The following DLGAP3 variants were observed in gnomAD, a reference collection of about 807,000 sequenced individuals.
The protein encoded by DLGAP3 is disks large-associated protein 3.
DLGAP3 carries 17 observed loss-of-function variants against 81.2 expected under a neutral mutation model. The observed-to-expected ratio is 0.21, with a 90% CI of 0.14 to 0.31. The LOEUF (loss-of-function observed/expected upper bound fraction) is 0.31. Ranked by LOEUF, DLGAP3 falls within the 10% of genes least tolerant of loss-of-function variation. DLGAP3 has a pLI of 1.00. For missense variants in DLGAP3, 1,124 were observed against 1,388.0 expected (o/e 0.81, Z 3.02); for synonymous variants, 577 against 587.4 (o/e 0.98, Z 0.26).
intron 5 of DLGAP3, among the ~76,000 whole-genome samples, chr1:34,897,794 A>G (rs892434764): frequency 3.3e-5 from 5 of 152,138 alleles, no homozygotes; most frequent in Non-Finnish European, 7.3e-5. Flanking sequence ...GTGGCAGTGG[A>G]GATGGTGAGG....
At chr1:34,925,058 C>T (rs1200490659) in intron 1 of DLGAP3, among the ~76,000 whole-genome samples, 2 of 152,142 alleles carry the variant, frequency 1.3e-5, no homozygotes, top group Admixed American at 6.5e-5. Flanking sequence ...TTGCCGGCCC[C>T]GGTAGCCAGA....
intron 8 of DLGAP3, among the ~76,000 whole-genome samples, chr1:34,880,102 G>A (rs1415564073): frequency 6.6e-6 from 1 of 152,054 alleles, no homozygotes; most frequent in Non-Finnish European, 1.5e-5. Flanking sequence ...GAGACAGGCT[G>A]AAGTACAGTG....
chr1:34,914,464 G>A (rs375274679), intron 1 of DLGAP3, among the ~76,000 whole-genome samples: 10 of 152,250 alleles, frequency 6.6e-5, no homozygotes, highest in African/African-American at 2.2e-4. Flanking sequence ...TCTAGGACCC[G>A]AACTCCTCTA....
intron 8 of DLGAP3, 145 bp downstream of exon 8, chr1:34,884,833 C>A: frequency 1.4e-6 from 1 of 699,504 alleles, no homozygotes; most frequent in Non-Finnish European, 2.6e-6. Flanking sequence ...GCCCCTGTGG[C>A]TGCTCTGACC....
At chr1:34,874,949 G>C (rs887131121) in intron 8 of DLGAP3, among the ~76,000 whole-genome samples, 6 of 152,050 alleles carry the variant, frequency 3.9e-5, no homozygotes, top group South Asian at 2.1e-4. Context: ...AATCAAGCAG[G>C]GGTCACTGAA....
Position 34,865,734 on chromosome 1 carries a change from A to G in DLGAP3, c.*349T>C, listed in dbSNP as rs1450046822. On this transcript the variant is annotated 3_prime_UTR_variant, in exon 12 of 12. Coordinates refer to ENST00000373347, the MANE Select transcript of DLGAP3 (RefSeq NM_001080418.3). ...GCCCCGCGGGGTGGGGGAGGGGGGGACGCAGAGCCCAGATGAGGGACCCGG... is the reference window on the plus strand; with the variant it reads ...GCCCCGCGGGGTGGGGGAGGGGGGGGCGCAGAGCCCAGATGAGGGACCCGG... 2.7e-5 allele frequency: 9 copies of G among 332,826 alleles called. No homozygotes were observed. The highest frequency in any genetic ancestry group is 9.4e-5 in the African/African-American group (4 of 42,484). 20.6% of individuals were successfully genotyped at this position (332,826 alleles called of 1,614,324 possible). A position where few individuals can be genotyped will look rare whatever the true frequency, so the allele number is the denominator to read the frequency against.
At chr1:34,887,216 A>G (rs1274499895) in intron 5 of DLGAP3, among the ~76,000 whole-genome samples, 1 of 151,634 alleles carries the variant, frequency 6.6e-6, no homozygotes, top group East Asian at 1.9e-4. Flanking sequence ...CGGCCTCTCA[A>G]AGTGCTGGGA....
rs1428618813 is a variant in DLGAP3, at chr1:34,873,641, C to T, written c.2001-4552G>A. On this transcript the variant is annotated intron_variant, in intron 8 of 11. Transcript: ENST00000373347. This position sits in a 1 kb window ranked among gnomAD's most constrained non-coding sequence, Gnocchi z 4.2. Reference sequence around the variant, plus strand: ...CAAACACAATCATCGGAATGTAGCACTGAGAACCCGGCTAGGGCATTGTAG... The same window carrying T: ...CAAACACAATCATCGGAATGTAGCATTGAGAACCCGGCTAGGGCATTGTAG... Among the ~76,000 whole-genome samples, 1 of 152,212 alleles carries T rather than the reference C, an allele frequency of 6.6e-6. No individual in the cohort carries two copies. The highest frequency in any genetic ancestry group is 1.5e-5 in the Non-Finnish European group (1 of 68,044).
At chr1:34,909,657 A>G (rs554179754) in intron 1 of DLGAP3, among the ~76,000 whole-genome samples, 4 of 152,300 alleles carry the variant, frequency 2.6e-5, no homozygotes, top group South Asian at 2.1e-4. Context: ...TCTAAAGAAA[A>G]TATTTAATTA....
At chr1:34,887,836 T>C (rs1051683922) in intron 5 of DLGAP3, among the ~76,000 whole-genome samples, 3 of 152,180 alleles carry the variant, frequency 2.0e-5, no homozygotes, top group Non-Finnish European at 2.9e-5. Context: ...AATGGTACCA[T>C]CTTCATAGGG....
At chr1:34,876,239 C>T (rs141102265) in intron 8 of DLGAP3, among the ~76,000 whole-genome samples, 25 of 152,356 alleles carry the variant, frequency 1.6e-4, no homozygotes, top group Non-Finnish European at 3.1e-4. Flanking sequence ...ATCACTGACA[C>T]TGGGCAACTG....
intron 5 of DLGAP3, among the ~76,000 whole-genome samples, chr1:34,886,668 G>A (rs1407256786): frequency 1.3e-5 from 2 of 152,058 alleles, no homozygotes; most frequent in African/African-American, 4.8e-5. Flanking sequence ...CAGGGACCTG[G>A]CATGCACCCT....
intron 1 of DLGAP3, among the ~76,000 whole-genome samples, chr1:34,913,132 A>G (rs1337911178): frequency 6.6e-6 from 1 of 152,206 alleles, no homozygotes; most frequent in Non-Finnish European, 1.5e-5. Flanking sequence ...GAAAATGGAG[A>G]AGGAAGAAGG....
Position 34,869,739 on chromosome 1 carries a change from G to A in DLGAP3, c.2001-650C>T, listed in dbSNP as rs529725800. Among the ~76,000 whole-genome samples, 18 of 152,298 alleles carry A rather than the reference G, an allele frequency of 1.2e-4. 1 individual carries two copies. In the South Asian group the frequency reaches 1.4e-3, roughly 12 times the overall value. On this transcript the variant is annotated intron_variant, in intron 8 of 11. Coordinates refer to ENST00000373347, the MANE Select transcript of DLGAP3 (RefSeq NM_001080418.3). ...TATCCACCCGCCTTGGCCTCCCAAC[G>A]TGCTGGGATTACAGGTGTGAGCCAC...
chr1:34,911,626 A>G lies in DLGAP3; in HGVS notation c.-134-4189T>C, dbSNP rs536617357. On this transcript the variant is annotated intron_variant, in intron 1 of 11. Coordinates refer to ENST00000373347, the MANE Select transcript of DLGAP3 (RefSeq NM_001080418.3). The stretch of plus-strand genomic sequence containing the variant: ...TTCTTCTCTGATGCAGCTCGAATCT[A>G]TCTGGGAATGGAAGAAGTGGCACAG... Among the ~76,000 whole-genome samples, 8 of 152,150 alleles carry G rather than the reference A, an allele frequency of 5.3e-5. No individual in the cohort carries two copies. In the East Asian group the frequency reaches 7.7e-4, roughly 15 times the overall value.
chr1:34,915,691 CGTCGTG>C (rs1160962246), intron 1 of DLGAP3, among the ~76,000 whole-genome samples: 1 of 152,206 alleles, frequency 6.6e-6, no homozygotes, highest in Admixed American at 6.5e-5. Context: ...GCCAGGTTCA[CGTCGTG>C]GCACCTCCCA....
chr1:34,897,112 G>GA (rs578237930), intron 5 of DLGAP3, among the ~76,000 whole-genome samples: 13 of 149,008 alleles, frequency 8.7e-5, no homozygotes, highest in South Asian at 4.2e-4. Flanking sequence ...AATACTAAAC[G>GA]AAAAAAAAAT....
chr1:34,898,004 G>A (rs1639403208), intron 5 of DLGAP3, among the ~76,000 whole-genome samples: 1 of 152,180 alleles, frequency 6.6e-6, no homozygotes, highest in African/African-American at 2.4e-5. Context: ...AGGGGCGGGA[G>A]GGGATTGTGG....
In DLGAP3 at chr1:34,900,119, G is replaced by A. The variant is rs775417791; in HGVS notation, c.1262C>T (p.Ala421Val). Reference sequence around the variant, plus strand: ...GGAGCGACGGGTGGTGAAGCGTCGGGCGACTGCTTTGGGAGATGTCTTGGG... The same window carrying A: ...GGAGCGACGGGTGGTGAAGCGTCGGACGACTGCTTTGGGAGATGTCTTGGG... ...GSPKTSPKAV[A>V]RRFTTRRSSS... The change falls in exon 4 of 12, where the codon GCC becomes GTC. Residue 421 changes from alanine (A) to valine (V), a missense_variant. By Grantham distance (64) the Ala-to-Val change is moderately conservative. Around this residue, in one of 9 missense-constraint regions of DLGAP3, gnomAD observed 357 missense variants for 408.8 expected, o/e 0.87. Coordinates refer to ENST00000373347, the MANE Select transcript of DLGAP3 (RefSeq NM_001080418.3). The surrounding 1 kb of genome is among the most constrained non-coding windows in gnomAD (Gnocchi z 5.6). 6.2e-7 allele frequency: 1 copy of A among 1,613,884 alleles called. No individual in the cohort carries two copies. Among genetic ancestry groups the A allele is most frequent in the Admixed American group, 1.7e-5 (1 of 60,010 alleles).
Sources: allele counts gnomAD v4.1 joint callset (sites outside exome capture counted in the v4.1 genomes callset), GRCh38; gene constraint gnomAD v4.1.1; regional missense constraint gnomAD v4.1.1; non-coding constraint Gnocchi (gnomAD v3.1); transcripts MANE v1.5; gene names NCBI Gene and HGNC (gene_info 2026-07-23, HGNC 2026-07-21).